The following NTM variants were observed in gnomAD, a reference collection of about 807,000 sequenced individuals.
NTM encodes the protein neurotrimin.
A neutral mutation model predicts 42.1 loss-of-function variants in NTM; 13 were observed. The observed-to-expected ratio is 0.31, with a 90% confidence interval of 0.20 to 0.49. The LOEUF is 0.49. NTM is among the 20% of genes least tolerant of loss of function. The pLI, the probability that NTM is intolerant of heterozygous loss-of-function variation, is 0.99. For synonymous variants in NTM, 187 were observed against 179.2 expected, an observed-to-expected ratio of 1.04 and a Z score of -0.35; for missense variants, 373 against 452.8, an observed-to-expected ratio of 0.82 and a Z score of 1.60.
intron 1 of NTM, among the ~76,000 whole-genome samples, chr11:131,667,672 A>G (rs946149748): frequency 6.6e-6 from 1 of 152,180 alleles, no homozygotes; most frequent in African/African-American, 2.4e-5. Context: ...GCTTCTCTCA[A>G]CAGGAATAGC....
intron 2 of NTM, among the ~76,000 whole-genome samples, chr11:131,931,468 C>CAT (rs1555181874): frequency 7.0e-6 from 1 of 142,604 alleles, no homozygotes; most frequent in Non-Finnish European, 1.5e-5. Context: ...ATAATATATA[C>CAT]GTGTGTGTGT....
At chr11:131,680,612 T>C in intron 1 of NTM, among the ~76,000 whole-genome samples, 1 of 151,520 alleles carries the variant, frequency 6.6e-6, no homozygotes, top group African/African-American at 2.4e-5. Flanking sequence ...TGCCTGTGTC[T>C]GTGTCTGTGA....
chr11:132,075,133 T>G (rs1316917848), intron 2 of NTM, among the ~76,000 whole-genome samples: 1 of 152,070 alleles, frequency 6.6e-6, no homozygotes, highest in African/African-American at 2.4e-5. Context: ...ATATCTAAAA[T>G]AAGCAAATTC....
At chr11:131,927,419 A>G (rs957237883) in intron 2 of NTM, among the ~76,000 whole-genome samples, 1 of 152,182 alleles carries the variant, frequency 6.6e-6, no homozygotes, top group Admixed American at 6.5e-5. Context: ...CAAAAACAAA[A>G]TCTTGCCCAA....
intron 1 of NTM, among the ~76,000 whole-genome samples, chr11:131,670,950 C>T (rs1172144859): frequency 6.6e-6 from 1 of 152,160 alleles, no homozygotes; most frequent in Admixed American, 6.5e-5. Flanking sequence ...ATGTGGCCCC[C>T]AGCCCCTTCT....
intron 4 of NTM, among the ~76,000 whole-genome samples, chr11:132,293,835 A>C (rs577361135): frequency 6.6e-6 from 1 of 152,204 alleles, no homozygotes; most frequent in Non-Finnish European, 1.5e-5. Context: ...TGTATTGTCT[A>C]TGACTGCTTT....
intron 1 of NTM, among the ~76,000 whole-genome samples, chr11:131,522,057 C>T (rs980258234): frequency 1.3e-5 from 2 of 152,132 alleles, no homozygotes; most frequent in African/African-American, 4.8e-5. Flanking sequence ...GAAAAGACTA[C>T]AGTGGAAAGT....
intron 1 of NTM, among the ~76,000 whole-genome samples, chr11:131,382,546 C>G (rs2135530277): frequency 6.6e-6 from 1 of 152,218 alleles, no homozygotes; most frequent in East Asian, 1.9e-4. Flanking sequence ...CAGCTGAATA[C>G]AATCCTAATG....
intron 1 of NTM, among the ~76,000 whole-genome samples, chr11:131,678,729 G>A (rs1471648176): frequency 4.6e-5 from 7 of 152,168 alleles, no homozygotes; most frequent in Admixed American, 3.9e-4. Context: ...CCACCTTGGG[G>A]AAGAGGTTGT....
chr11:132,016,782 T>G (rs545751823), intron 2 of NTM, among the ~76,000 whole-genome samples: 603 of 152,116 alleles, frequency 4.0e-3, no homozygotes, highest in Middle Eastern at 0.014. Context: ...GTTTTCTGTT[T>G]TCTCTAAATC....
intron 1 of NTM, among the ~76,000 whole-genome samples, chr11:131,879,200 C>A (rs1378091059): frequency 2.6e-5 from 4 of 152,154 alleles, no homozygotes; most frequent in Non-Finnish European, 4.4e-5. Flanking sequence ...AAAATGACCT[C>A]GAACCTGGAT....
In NTM at chr11:131,983,067, T is replaced by C. The variant is rs114093569; in HGVS notation, c.167+71419T>C. Among the ~76,000 whole-genome samples the C allele has an allele frequency of 5.5e-3, 829 of 151,948 alleles. 5 individuals carry two copies. Among genetic ancestry groups the C allele is most frequent in the African/African-American group, 0.018 (742 of 41,398 alleles). ...AAGGAAAATGATTTTTTTTTTTTTT[T>C]AGTCATACTACATGGAAGAACACCC... On this transcript the variant is annotated intron_variant, in intron 2 of 8. Coordinates refer to ENST00000683400, the MANE Select transcript of NTM (RefSeq NM_001352005.2).
chr11:132,189,641 T>TACACAC (rs35740557), intron 3 of NTM, among the ~76,000 whole-genome samples: 3,364 of 149,186 alleles, frequency 0.023, 90 homozygotes, highest in African/African-American at 0.069. Flanking sequence ...TCACGGCAGA[T>TACACAC]ACACACACAC....
intron 4 of NTM, among the ~76,000 whole-genome samples, chr11:132,229,429 A>G (rs898552114): frequency 6.6e-6 from 1 of 152,214 alleles, no homozygotes; most frequent in Non-Finnish European, 1.5e-5. Context: ...AAGATGAATC[A>G]ATCTAGTTAC....
chr11:131,526,396 T>C (rs2050488367), intron 1 of NTM, among the ~76,000 whole-genome samples: 1 of 152,196 alleles, frequency 6.6e-6, no homozygotes, highest in Non-Finnish European at 1.5e-5. Context: ...CTAATCACCA[T>C]AGATGGGAGC....
chr11:131,910,415 G>T (rs1413975483), intron 1 of NTM, among the ~76,000 whole-genome samples: 1 of 147,790 alleles, frequency 6.8e-6, no homozygotes, highest in East Asian at 1.9e-4. Flanking sequence ...CCTGGGCTGG[G>T]CTGGTGCACA....
At chr11:132,273,310 T>G (rs962520424) in intron 4 of NTM, among the ~76,000 whole-genome samples, 1 of 6,962 alleles carries the variant, frequency 1.4e-4, no homozygotes, top group Non-Finnish European at 5.2e-4. Flanking sequence ...TTGACTAGTG[T>G]TTTTTTTTTT....
chr11:131,790,853 G>A (rs988658047), intron 1 of NTM, among the ~76,000 whole-genome samples: 1 of 152,110 alleles, frequency 6.6e-6, no homozygotes, highest in Non-Finnish European at 1.5e-5. Context: ...TTGCAAGTAA[G>A]GAGAAAAGAG....
intron 2 of NTM, among the ~76,000 whole-genome samples, chr11:132,134,431 A>G (rs2067377259): frequency 6.6e-6 from 1 of 151,800 alleles, no homozygotes; most frequent in Non-Finnish European, 1.5e-5. Flanking sequence ...CCTTCACTCG[A>G]GCAGTGTACA....
Sources: gnomAD v4.1 joint callset for allele counts (sites outside exome capture counted in the v4.1 genomes callset) on GRCh38, gnomAD v4.1.1 for gene constraint, MANE v1.5 for transcripts, NCBI Gene and HGNC (gene_info 2026-07-23, HGNC 2026-07-21) for gene names.